The following PTPRR variants were observed in gnomAD, a reference collection of about 807,000 sequenced individuals.
PTPRR encodes receptor-type tyrosine-protein phosphatase R.
PTPRR carries 38 observed loss-of-function variants against 77.2 expected under a neutral mutation model. The observed-to-expected ratio is 0.49, with a 90% CI of 0.38 to 0.65. The LOEUF is 0.65. Ranked by LOEUF, PTPRR falls within the 30% of genes least tolerant of loss-of-function variation. The pLI is 0.00. For synonymous variants in PTPRR, 299 were observed against 283.1 expected (o/e 1.06, Z -0.57); for missense variants, 744 against 799.2 (o/e 0.93, Z 0.83).
At chr12:70,678,829 G>A (rs1332991955) in intron 10 of PTPRR, among the ~76,000 whole-genome samples, 1 of 151,930 alleles carries the variant, frequency 6.6e-6, no homozygotes, top group Non-Finnish European at 1.5e-5. Flanking sequence ...TTACAGGTGT[G>A]TACCACCAGG....
chr12:70,912,405 A>C (rs1355715988), intron 1 of PTPRR, among the ~76,000 whole-genome samples: 1 of 152,208 alleles, frequency 6.6e-6, no homozygotes, highest in African/African-American at 2.4e-5. Flanking sequence ...CCAAAGAATC[A>C]GTAGTTTAGG....
rs1158001591 is a variant in PTPRR, at chr12:70,638,854, T to G, written c.*330A>C. ...CTCATCCAGTCATCACCTGATGACA[T>G]TTATTACTGAATATTACATACATAC... On this transcript the variant is annotated 3_prime_UTR_variant, in exon 14 of 14. Coordinates refer to ENST00000283228, the MANE Select transcript of PTPRR (RefSeq NM_002849.4). The G allele has an allele frequency of 4.5e-6, 1 of 224,190 alleles. No homozygotes were observed. The highest frequency in any genetic ancestry group is 8.8e-6 in the Non-Finnish European group (1 of 113,974). The allele number at this position is 224,190 out of a possible 1,614,324, so 13.9% of individuals were successfully genotyped here.
intron 2 of PTPRR, among the ~76,000 whole-genome samples, chr12:70,783,499 G>A (rs1051582044): frequency 6.6e-6 from 1 of 152,036 alleles, no homozygotes; most frequent in African/African-American, 2.4e-5. Flanking sequence ...TCTGCAGCTG[G>A]TTGTTGCCTC....
At chr12:70,735,141 G>A (rs1457511858) in intron 6 of PTPRR, among the ~76,000 whole-genome samples, 1 of 152,060 alleles carries the variant, frequency 6.6e-6, no homozygotes, top group Non-Finnish European at 1.5e-5. Flanking sequence ...TGTTCATGAA[G>A]GGCTTGTGCA....
chr12:70,813,121 C>A (rs1281342191), intron 2 of PTPRR, among the ~76,000 whole-genome samples: 1 of 152,226 alleles, frequency 6.6e-6, no homozygotes, highest in African/African-American at 2.4e-5. Flanking sequence ...CTTTTTAATA[C>A]ATGCAGCAGG....
chr12:70,649,167 A>G (rs987656075), intron 13 of PTPRR, among the ~76,000 whole-genome samples: 1 of 152,172 alleles, frequency 6.6e-6, no homozygotes, highest in African/African-American at 2.4e-5. Context: ...TGTTCTTTTC[A>G]TGTTAAATTA....
intron 5 of PTPRR, among the ~76,000 whole-genome samples, chr12:70,752,869 A>T (rs1890447337): frequency 6.6e-6 from 1 of 152,192 alleles, no homozygotes; most frequent in African/African-American, 2.4e-5. Flanking sequence ...TATGTCCTTT[A>T]AAACAGAGAT....
intron 2 of PTPRR, among the ~76,000 whole-genome samples, chr12:70,856,578 A>G (rs1892655529): frequency 6.6e-6 from 1 of 152,208 alleles, no homozygotes; most frequent in Non-Finnish European, 1.5e-5. Context: ...ATAGAATATG[A>G]GTAATATAAT....
intron 5 of PTPRR, among the ~76,000 whole-genome samples, chr12:70,747,570 T>C (rs147317525): frequency 1.1e-3 from 171 of 152,316 alleles, no homozygotes; most frequent in African/African-American, 4.0e-3. Flanking sequence ...AGGTCAATTT[T>C]ATGATTTATA....
At chr12:70,916,766 T>C (rs1893781507) in intron 1 of PTPRR, among the ~76,000 whole-genome samples, 1 of 152,184 alleles carries the variant, frequency 6.6e-6, no homozygotes, top group Non-Finnish European at 1.5e-5. Context: ...ATAGAATACC[T>C]TTCTTCTTAG....
chr12:70,909,620 T>C (rs1425877202), intron 1 of PTPRR, among the ~76,000 whole-genome samples: 1 of 152,190 alleles, frequency 6.6e-6, no homozygotes, highest in Non-Finnish European at 1.5e-5. Flanking sequence ...AAAGCCTCTG[T>C]TAATCAGGGC....
Position 70,863,639 on chromosome 12 carries a change from C to G in PTPRR, c.357+29040G>C, listed in dbSNP as rs186190328. ...TTAATAGTTTTTTTTGTTTAACTGACATCCTTTTTAGTCCAAAGATTCTAA... is the reference window on the plus strand; with the variant it reads ...TTAATAGTTTTTTTTGTTTAACTGAGATCCTTTTTAGTCCAAAGATTCTAA... On this transcript the variant is annotated intron_variant, in intron 2 of 13. Transcript: ENST00000283228. Among the ~76,000 whole-genome samples, 10 of 150,102 alleles carry G rather than the reference C, an allele frequency of 6.7e-5. No homozygotes were observed. In the East Asian group the frequency reaches 1.5e-3, roughly 23 times the overall value.
chr12:70,646,730 T>TGAA (rs777986305), intron 13 of PTPRR, among the ~76,000 whole-genome samples: 2 of 152,188 alleles, frequency 1.3e-5, no homozygotes, highest in Non-Finnish European at 2.9e-5. Context: ...ATGAGATCTT[T>TGAA]GAAGTTCATT....
At chr12:70,679,083 G>A (rs1887559496) in intron 10 of PTPRR, among the ~76,000 whole-genome samples, 1 of 152,066 alleles carries the variant, frequency 6.6e-6, no homozygotes, top group African/African-American at 2.4e-5. Context: ...TTCTCTTTTA[G>A]AACAGCTTTT....
intron 6 of PTPRR, among the ~76,000 whole-genome samples, chr12:70,707,895 G>A (rs570820766): frequency 4.0e-4 from 61 of 152,032 alleles, no homozygotes; most frequent in Middle Eastern, 3.4e-3. Flanking sequence ...GATAAAACCT[G>A]CAAGTAGCTA....
At chr12:70,877,738 G>GA (rs1346634743) in intron 2 of PTPRR, among the ~76,000 whole-genome samples, 1 of 151,916 alleles carries the variant, frequency 6.6e-6, no homozygotes, top group African/African-American at 2.4e-5. Flanking sequence ...CACAGAATTG[G>GA]AAAAAAACTA....
At chr12:70,726,956 C>T (rs370123008) in intron 6 of PTPRR, among the ~76,000 whole-genome samples, 15 of 151,798 alleles carry the variant, frequency 9.9e-5, no homozygotes, top group East Asian at 3.9e-4. Flanking sequence ...TGTATATTTA[C>T]GCAGGGGATG....
At chr12:70,779,176 T>TC (rs955688542) in intron 2 of PTPRR, among the ~76,000 whole-genome samples, 8 of 152,012 alleles carry the variant, frequency 5.3e-5, no homozygotes, top group Non-Finnish European at 1.0e-4. Context: ...CTTTTTTTTT[T>TC]TTTTTCTTTC....
At chr12:70,659,193 G>A (rs941529320) in intron 12 of PTPRR, among the ~76,000 whole-genome samples, 8 of 151,960 alleles carry the variant, frequency 5.3e-5, no homozygotes, top group African/African-American at 1.2e-4. Context: ...GTGAGCTACC[G>A]CACCTGGCCC....
Sources: gnomAD v4.1 joint callset for allele counts (sites outside exome capture counted in the v4.1 genomes callset) on GRCh38, gnomAD v4.1.1 for gene constraint, MANE v1.5 for transcripts, NCBI Gene and HGNC (gene_info 2026-07-23, HGNC 2026-07-21) for gene names.